Variants in RTTN observed in about 807,000 individuals in gnomAD.
The protein encoded by RTTN is rotatin.
Under a neutral mutation model 269.2 loss-of-function variants are expected in RTTN, and 182 were observed. The observed-to-expected ratio is 0.68, with a 90% CI of 0.60 to 0.76. The LOEUF (loss-of-function observed/expected upper bound fraction) is 0.76. Ranked by LOEUF, RTTN falls within the 30% of genes least tolerant of loss-of-function variation. The pLI, the probability that RTTN is intolerant of heterozygous loss-of-function variation, is 0.00. For missense variants in RTTN, 2,545 were observed against 2,608.6 expected (o/e 0.98, Z 0.53); for synonymous variants, 1,006 against 963.5 (o/e 1.04, Z -0.82).
Position 70,086,645 on chromosome 18 carries a change from G to T in RTTN, c.4342C>A (p.Pro1448Thr), listed in dbSNP as rs778274577. Residue 1448 changes from proline (P) to threonine (T), a missense_variant, in exon 32 of 49, where the codon CCT (proline) becomes ACT (threonine). Physicochemically the swap from Pro to Thr is conservative, Grantham distance 38. Coordinates refer to ENST00000640769, the MANE Select transcript of RTTN (RefSeq NM_173630.4). ...GTATAATCCTTTATAATTTCTGTAG[G>T]CATTGGAATTACAAGGAGATTCTGA... ...ILQNLLVIPM[P>T]TEIIKDYTWQ... 1.4e-6 allele frequency: 2 copies of T among 1,481,182 alleles called. No homozygotes were observed. Among genetic ancestry groups the T allele is most frequent in the Non-Finnish European group, 1.8e-6 (2 of 1,109,922 alleles). 91.8% of individuals were successfully genotyped at this position (1,481,182 alleles called of 1,614,324 possible).
chr18:70,042,585 C>T (rs1013642880), intron 40 of RTTN, among the ~76,000 whole-genome samples: 4 of 151,880 alleles, frequency 2.6e-5, no homozygotes, highest in Non-Finnish European at 5.9e-5. Flanking sequence ...ACTGTGTTAG[C>T]CAGGATGGTG....
intron 23 of RTTN, 102 bp from the exon 24 acceptor site, chr18:70,128,648 C>A (rs2059925922): frequency 2.5e-6 from 2 of 810,066 alleles, no homozygotes; most frequent in Non-Finnish European, 4.0e-6. Context: ...TCCCAACCCA[C>A]AATAATGCAA....
At chr18:70,165,200 C>T (rs922507827) in intron 14 of RTTN, among the ~76,000 whole-genome samples, 3 of 151,944 alleles carry the variant, frequency 2.0e-5, no homozygotes, top group Non-Finnish European at 4.4e-5. Flanking sequence ...GAAGTATATT[C>T]AAACTTAATA....
At chr18:70,102,399 C>A (rs766816945) in intron 28 of RTTN, among the ~76,000 whole-genome samples, 15 of 152,000 alleles carry the variant, frequency 9.9e-5, no homozygotes, top group Non-Finnish European at 2.2e-4. Context: ...GCAACCCCTG[C>A]CTTTTTTTGT....
chr18:70,106,911 C>T (rs993965262), intron 28 of RTTN, among the ~76,000 whole-genome samples: 1 of 152,176 alleles, frequency 6.6e-6, no homozygotes, highest in Non-Finnish European at 1.5e-5. Flanking sequence ...GTGCTTCCTA[C>T]AAGAATCATT....
chr18:70,135,018 A>T (rs1730745302), intron 22 of RTTN, among the ~76,000 whole-genome samples, 166 bp downstream of exon 22: 2 of 152,214 alleles, frequency 1.3e-5, no homozygotes, highest in Non-Finnish European at 2.9e-5. Flanking sequence ...CTGAGCTAAT[A>T]GGCTTTTGAA....
chr18:70,009,558 C>T (rs2056306125), intron 46 of RTTN, among the ~76,000 whole-genome samples: 1 of 152,134 alleles, frequency 6.6e-6, no homozygotes, highest in South Asian at 2.1e-4. Context: ...GCAGCCCTAC[C>T]TTACAAGAGC....
chr18:70,128,247 T>A (rs1226068476), intron 24 of RTTN, 111 bp downstream of exon 24: 1 of 770,092 alleles, frequency 1.3e-6, no homozygotes, highest in Non-Finnish European at 2.1e-6. Flanking sequence ...AAAAGCAGAA[T>A]CAGATGATAC....
Position 70,065,830 on chromosome 18 carries a change from T to C in RTTN, c.4746A>G (p.Gln1582=), listed in dbSNP as rs779973128. Residue 1582 remains glutamine (Q), a splice_region_variant and synonymous_variant, in exon 35 of 49, where the codon CAA becomes CAG. Transcript: ENST00000640769. ...AGAATGTCTTCACTAAAAGGATACC[T>C]TGAGCCACAAACTGGTCATGGGAGG... is the stretch of plus-strand genomic sequence containing the variant. ...PEASHDQFVA[Q]GHQESTSPRP... 1.0e-5 allele frequency: 16 copies of C among 1,585,046 alleles called. No individual in the cohort carries two copies. The Admixed American group carries it at 2.8e-4, about 28-fold the overall frequency.
chr18:70,030,499 A>T (rs2056981992), intron 41 of RTTN, among the ~76,000 whole-genome samples: 1 of 152,220 alleles, frequency 6.6e-6, no homozygotes, highest in Admixed American at 6.5e-5. Flanking sequence ...AAAATATGGA[A>T]TCATCTGTTG....
At chr18:70,148,396 GCAGT>G (rs1284541968) in intron 17 of RTTN, among the ~76,000 whole-genome samples, 1 of 152,074 alleles carries the variant, frequency 6.6e-6, no homozygotes, top group Non-Finnish European at 1.5e-5. Flanking sequence ...TATATTAATG[GCAGT>G]CAAAGAAAGG....
At position 70,135,185 on chromosome 18, in the gene RTTN, A is replaced by T. The variant is rs2060095126; in HGVS notation, c.2884T>A (p.Trp962Arg). The change falls in exon 22 of 49, where the codon TGG becomes AGG. Residue 962 changes from tryptophan (W) to arginine (R), a missense_variant and splice_region_variant. Coordinates refer to ENST00000640769, the MANE Select transcript of RTTN (RefSeq NM_173630.4). ...AACTTATAAATTCTTATATCTCACC[A>T]CATATCCATTCTCGATACTTCATCA... ...LFDEVSRMDM[W>R]SVNPSNKPSL... is the part of the protein sequence containing the mutation. 3 of 1,493,790 alleles carry T rather than the reference A, an allele frequency of 2.0e-6. No homozygotes were observed. The highest frequency in any genetic ancestry group is 2.7e-6 in the Non-Finnish European group (3 of 1,107,434). 92.5% of individuals were successfully genotyped at this position (1,493,790 alleles called of 1,614,324 possible).
chr18:70,008,624 T>C (rs1045987651), intron 46 of RTTN: 10 of 150,044 alleles, frequency 6.7e-5, no homozygotes, highest in Non-Finnish European at 1.2e-4. Flanking sequence ...CAAGTATCAA[T>C]AGCGAAATCG....
At chr18:70,061,268 C>G (rs1312838061) in intron 35 of RTTN, 1 of 447,384 alleles carries the variant, frequency 2.2e-6, no homozygotes, top group East Asian at 7.0e-5. Flanking sequence ...TACCTGCACC[C>G]TACATTAGTG....
At position 70,143,857 on chromosome 18, in the gene RTTN, C is replaced by CT. The variant is rs1331783234; in HGVS notation, c.2482-1471dup. Among the ~76,000 whole-genome samples, 1,091 of 144,360 alleles carry CT rather than the reference C, an allele frequency of 7.6e-3. 4 individuals carry two copies. Among genetic ancestry groups the CT allele is most frequent in the Middle Eastern group, 0.011 (3 of 272 alleles). 94.7% of individuals were successfully genotyped at this position (144,360 alleles called of 152,430 possible). A position where few individuals can be genotyped will look rare whatever the true frequency, so the allele number is the denominator to read the frequency against. ...GAGTCATCATGTCAAATAAGTTTTCCTTTTTTTTTTTTGTTTTTTGAGACA... is the reference window on the plus strand; with the variant it reads ...GAGTCATCATGTCAAATAAGTTTTCCTTTTTTTTTTTTTGTTTTTTGAGACA... On this transcript the variant is annotated intron_variant, in intron 18 of 48. Coordinates refer to ENST00000640769, the MANE Select transcript of RTTN (RefSeq NM_173630.4).
At position 70,168,836 on chromosome 18, in the gene RTTN, T is replaced by C. The variant is rs1326793577; in HGVS notation, c.1689+19A>G. The C allele has an allele frequency of 6.5e-7, 1 of 1,550,142 alleles. No homozygotes were observed. Among genetic ancestry groups the C allele is most frequent in the Admixed American group, 1.9e-5 (1 of 53,624 alleles). ...ATATGTCAAAGGGATTTAAAAGAGA[T>C]ATTAAAAAAGCTTTTTACCTCTTTC... On this transcript the variant is annotated intron_variant, in intron 12 of 48. Transcript: ENST00000640769.
chr18:70,048,475 A>G (rs2057556812), intron 39 of RTTN, among the ~76,000 whole-genome samples: 2 of 152,230 alleles, frequency 1.3e-5, no homozygotes, highest in South Asian at 4.1e-4. Context: ...GAACAGACCA[A>G]ACTGAAAGGA....
intron 46 of RTTN, among the ~76,000 whole-genome samples, chr18:70,014,464 T>C (rs1168663378): frequency 6.6e-6 from 1 of 152,224 alleles, no homozygotes; most frequent in Non-Finnish European, 1.5e-5. Context: ...ATCTCTAACT[T>C]TGTACTGGTT....
chr18:70,162,906 A>G (rs2060875769), intron 14 of RTTN, among the ~76,000 whole-genome samples: 1 of 134,160 alleles, frequency 7.5e-6, no homozygotes, highest in Non-Finnish European at 1.7e-5. Flanking sequence ...AAAAAAAAAC[A>G]GAAACTAATG....
Sources: gnomAD v4.1 joint callset for allele counts (sites outside exome capture counted in the v4.1 genomes callset) on GRCh38, gnomAD v4.1.1 for gene constraint, MANE v1.5 for transcripts, NCBI Gene and HGNC (gene_info 2026-07-23, HGNC 2026-07-21) for gene names.